The following HEATR4 variants were observed in gnomAD, a reference collection of about 807,000 sequenced individuals.
The protein encoded by HEATR4 is HEAT repeat-containing protein 4.
HEATR4 carries 95 observed loss-of-function variants against 108.8 expected under a neutral mutation model. The observed-to-expected ratio is 0.87, with a 90% confidence interval of 0.74 to 1.04. HEATR4 has a LOEUF of 1.04. Among genes scored for constraint, HEATR4 ranks in the 50% least tolerant of loss-of-function variants. The pLI is 0.00. For synonymous variants in HEATR4, 443 were observed against 459.4 expected (o/e 0.96, Z 0.46); for missense variants, 1,152 against 1,253.8 (o/e 0.92, Z 1.23).
chr14:73,548,086 G>A lies in HEATR4; in HGVS notation c.-152+10665C>T, dbSNP rs543702969. Among the ~76,000 whole-genome samples, 10 of 114,228 alleles carry A rather than the reference G, an allele frequency of 8.8e-5. 3 individuals are homozygous for A. The South Asian group carries it at 2.2e-3, about 25-fold the overall frequency. 74.9% of individuals were successfully genotyped at this position (114,228 alleles called of 152,430 possible). A position where few individuals can be genotyped will look rare whatever the true frequency, so the allele number is the denominator to read the frequency against. ...TGAGACTATAGGCACTTGCCACCATGCCCAGCTAATTTTTAATTTTTTGCA... is the reference window on the plus strand; with the variant it reads ...TGAGACTATAGGCACTTGCCACCATACCCAGCTAATTTTTAATTTTTTGCA... On this transcript the variant is annotated intron_variant, in intron 1 of 17. Transcript: ENST00000553558.
chr14:73,572,656 TTTTTTTTTTGA>T, the HEATR4 span, among the ~76,000 whole-genome samples: 17 of 133,182 alleles, frequency 1.3e-4, 1 homozygote, highest in South Asian at 7.9e-4. Context: ...TTTTTTTTTT[TTTTTTTTTTGA>T]GACAGTGTCT....
At chr14:73,588,917 G>A in the HEATR4 span, among the ~76,000 whole-genome samples, 3 of 150,780 alleles carry the variant, frequency 2.0e-5, no homozygotes, top group Non-Finnish European at 3.0e-5. Context: ...TTTTTTTTAC[G>A]TTTTATATTT....
At chr14:73,610,543 G>A in the HEATR4 span, among the ~76,000 whole-genome samples, 3 of 151,764 alleles carry the variant, frequency 2.0e-5, no homozygotes, top group African/African-American at 7.3e-5. Flanking sequence ...CGCCCCCCTC[G>A]GCCTCCCAAA....
In HEATR4 at chr14:73,492,477, G is replaced by A. The variant is rs754613395; in HGVS notation, c.2844+589C>T. The A allele has an allele frequency of 1.9e-6, 3 of 1,613,662 alleles. No homozygotes were observed. Among genetic ancestry groups the A allele is most frequent in the Non-Finnish European group, 1.7e-6 (2 of 1,179,750 alleles). On this transcript the variant is annotated intron_variant, in intron 17 of 17. Coordinates refer to ENST00000553558, the MANE Select transcript of HEATR4 (RefSeq NM_001220484.1). This position sits in a 1 kb window ranked among gnomAD's most constrained non-coding sequence, Gnocchi z 4.9. Reference sequence around the variant, plus strand: ...GAGAAGGTGCGGGTCTTGGTTGCCCGCCTGGGACACTTTGCTCCTGTTGAT... The same window carrying A: ...GAGAAGGTGCGGGTCTTGGTTGCCCACCTGGGACACTTTGCTCCTGTTGAT...
At chr14:73,589,276 A>C in the HEATR4 span, among the ~76,000 whole-genome samples, 1 of 151,962 alleles carries the variant, frequency 6.6e-6, no homozygotes, top group African/African-American at 2.4e-5. Context: ...TCTTTTTACT[A>C]TCTCCAATAC....
Position 73,537,074 on chromosome 14 carries a change from C to A in HEATR4, c.-151-6830G>T, listed in dbSNP as rs1490315301. On this transcript the variant is annotated intron_variant, in intron 1 of 17. Transcript: ENST00000553558. ...TCTTGGCCAACTGCAAGCTCCACCC[C>A]CCGGGATCACGCCATTCTCCTGCCT... 2.5e-5 allele frequency: 5 copies of A among 200,250 alleles called. 1 individual carries two copies. Among genetic ancestry groups the A allele is most frequent in the Non-Finnish European group, 4.5e-5 (5 of 111,676 alleles). 12.4% of individuals were successfully genotyped at this position (200,250 alleles called of 1,614,324 possible). A position where few individuals can be genotyped will look rare whatever the true frequency, so the allele number is the denominator to read the frequency against.
the HEATR4 span, among the ~76,000 whole-genome samples, chr14:73,574,060 G>A: frequency 3.3e-4 from 50 of 151,356 alleles, no homozygotes; most frequent in East Asian, 8.7e-3. Context: ...AAGTAGAGAT[G>A]GGGTTTCGCC....
chr14:73,487,925 T>A (rs1885514653), intron 17 of HEATR4, among the ~76,000 whole-genome samples: 1 of 152,100 alleles, frequency 6.6e-6, no homozygotes, highest in Non-Finnish European at 1.5e-5. Context: ...CAGCAAACAG[T>A]CTAGCTTGTA....
At chr14:73,624,479 G>T in the HEATR4 span, among the ~76,000 whole-genome samples, 1 of 152,074 alleles carries the variant, frequency 6.6e-6, no homozygotes, top group Non-Finnish European at 1.5e-5. Context: ...GTACCCACTT[G>T]TAGTCCCATC....
chr14:73,497,293 G>C (rs1886164337), intron 14 of HEATR4, among the ~76,000 whole-genome samples: 1 of 152,198 alleles, frequency 6.6e-6, no homozygotes, highest in South Asian at 2.1e-4. Flanking sequence ...ATCTGCCTCA[G>C]CCTCCCAAAG....
At chr14:73,524,078 G>A (rs1320860790) in intron 2 of HEATR4, among the ~76,000 whole-genome samples, 5 of 151,740 alleles carry the variant, frequency 3.3e-5, no homozygotes. Flanking sequence ...GTCACCTGAG[G>A]TCTGGAGTTT....
At chr14:73,625,225 A>G in the HEATR4 span, among the ~76,000 whole-genome samples, 3 of 151,568 alleles carry the variant, frequency 2.0e-5, no homozygotes, top group African/African-American at 7.3e-5. Flanking sequence ...GCACCCAGCT[A>G]ATTTTTGTAT....
intron 1 of HEATR4, among the ~76,000 whole-genome samples, chr14:73,554,498 C>G (rs1889368760): frequency 8.7e-6 from 1 of 114,286 alleles, no homozygotes; most frequent in African/African-American, 2.8e-5. Context: ...AGCTTTTTTC[C>G]TCAAAAGTAA....
At chr14:73,616,684 G>T in the HEATR4 span, 1 of 177,568 alleles carries the variant, frequency 5.6e-6, no homozygotes, top group Non-Finnish European at 1.2e-5. Flanking sequence ...GACAGAGTGA[G>T]ACTGTCAAAA....
chr14:73,605,248 G>T, the HEATR4 span, among the ~76,000 whole-genome samples: 1 of 152,002 alleles, frequency 6.6e-6, no homozygotes, highest in Non-Finnish European at 1.5e-5. Flanking sequence ...CCTTTTAAAT[G>T]TCTTATTACC....
At chr14:73,632,451 G>GTA in the HEATR4 span, among the ~76,000 whole-genome samples, 5 of 151,748 alleles carry the variant, frequency 3.3e-5, no homozygotes, top group African/African-American at 4.8e-5. Flanking sequence ...GAACCATTTT[G>GTA]TATATATATA....
chr14:73,484,857 CACACAT>C (rs905011745), intron 17 of HEATR4, among the ~76,000 whole-genome samples: 39 of 151,560 alleles, frequency 2.6e-4, no homozygotes, highest in Non-Finnish European at 3.8e-4. Flanking sequence ...CACACACACA[CACACAT>C]ATATGGTTTT....
the HEATR4 span, chr14:73,592,428 T>G: frequency 6.7e-7 from 1 of 1,497,618 alleles, no homozygotes; most frequent in Non-Finnish European, 8.8e-7. Context: ...TGAGCCAGGC[T>G]GCTGGCGGGT....
the HEATR4 span, among the ~76,000 whole-genome samples, chr14:73,601,108 T>C: frequency 6.6e-6 from 1 of 151,946 alleles, no homozygotes; most frequent in Admixed American, 6.6e-5. Context: ...ACCACTGCAC[T>C]CCAGCCTGGA....
Sources: allele counts gnomAD v4.1 joint callset (sites outside exome capture counted in the v4.1 genomes callset), GRCh38; gene constraint gnomAD v4.1.1; non-coding constraint Gnocchi (gnomAD v3.1); transcripts MANE v1.5; gene names NCBI Gene and HGNC (gene_info 2026-07-23, HGNC 2026-07-21).